Variants in PLXDC2 observed in about 807,000 individuals in gnomAD.
The protein encoded by PLXDC2 is plexin domain containing 2, also known as plexin domain-containing protein 2.
A neutral mutation model predicts 68.9 loss-of-function variants in PLXDC2; 40 were observed. The ratio of observed to expected loss-of-function variants is 0.58; its 90% CI spans 0.45 to 0.76. The LOEUF (loss-of-function observed/expected upper bound fraction) is 0.76, where lower values mean the gene tolerates loss of function less well. Among genes scored for constraint, PLXDC2 ranks in the 30% least tolerant of loss-of-function variants. The probability of loss-of-function intolerance (pLI) is 0.00; values close to 1 mark genes in which losing one functional copy is unlikely to be tolerated. For missense variants in PLXDC2, 644 were observed against 661.9 expected (o/e 0.97, Z 0.30); for synonymous variants, 243 against 234.2 (o/e 1.04, Z -0.34).
intron 2 of PLXDC2, among the ~76,000 whole-genome samples, chr10:20,019,459 G>A (rs550406668): frequency 5.3e-5 from 8 of 152,278 alleles, no homozygotes; most frequent in African/African-American, 1.7e-4. Flanking sequence ...CTGGTGCTAT[G>A]AACTGAATTT....
chr10:20,067,890 A>T (rs1836240700), intron 3 of PLXDC2, among the ~76,000 whole-genome samples: 1 of 152,122 alleles, frequency 6.6e-6, no homozygotes, highest in Non-Finnish European at 1.5e-5. Flanking sequence ...ACTAAAAAGA[A>T]CCTCAGAATA....
chr10:19,841,759 T>C (rs2131318353), intron 1 of PLXDC2, among the ~76,000 whole-genome samples: 1 of 152,278 alleles, frequency 6.6e-6, no homozygotes, highest in African/African-American at 2.4e-5. Flanking sequence ...CATAGGAAAC[T>C]TTCAGTAAGT....
chr10:19,878,519 A>G (rs1453800467), intron 1 of PLXDC2, among the ~76,000 whole-genome samples: 1 of 152,182 alleles, frequency 6.6e-6, no homozygotes, highest in Non-Finnish European at 1.5e-5. Context: ...TTTTCTGTGA[A>G]TGATAGAATT....
At chr10:20,004,159 A>G (rs1834987253) in intron 2 of PLXDC2, among the ~76,000 whole-genome samples, 1 of 152,238 alleles carries the variant, frequency 6.6e-6, no homozygotes, top group African/African-American at 2.4e-5. Flanking sequence ...GTTCCCTCAC[A>G]GTGAGAGAAA....
At chr10:20,183,975 C>T (rs2131832109) in intron 9 of PLXDC2, among the ~76,000 whole-genome samples, 1 of 152,030 alleles carries the variant, frequency 6.6e-6, no homozygotes, top group South Asian at 2.1e-4. Flanking sequence ...TATAAGCTTG[C>T]TCCTGGTAAA....
intron 13 of PLXDC2, 25 bp downstream of exon 13, chr10:20,245,530 A>G: frequency 1.3e-6 from 2 of 1,597,304 alleles, no homozygotes; most frequent in Non-Finnish European, 1.7e-6. Flanking sequence ...TAACACATGA[A>G]AACCACGCCA....
chr10:20,096,925 C>T (rs971668791), intron 4 of PLXDC2, among the ~76,000 whole-genome samples: 10 of 151,892 alleles, frequency 6.6e-5, no homozygotes, highest in Admixed American at 2.0e-4. Context: ...TTAAAAAAAG[C>T]GAAATTAATT....
chr10:19,871,507 T>C (rs1368891805), intron 1 of PLXDC2, among the ~76,000 whole-genome samples: 1 of 152,184 alleles, frequency 6.6e-6, no homozygotes, highest in Non-Finnish European at 1.5e-5. Flanking sequence ...ACCATCCTGA[T>C]ATTTCCCATT....
intron 1 of PLXDC2, among the ~76,000 whole-genome samples, chr10:19,907,090 T>C (rs183008169): frequency 3.3e-4 from 51 of 152,336 alleles, no homozygotes; most frequent in Admixed American, 8.5e-4. Flanking sequence ...AGATTTATTG[T>C]GGCATGGTAA....
chr10:19,833,813 CT>C (rs1836739870), intron 1 of PLXDC2, among the ~76,000 whole-genome samples: 1 of 152,042 alleles, frequency 6.6e-6, no homozygotes, highest in Non-Finnish European at 1.5e-5. Context: ...GGTAAGCAAT[CT>C]ATGTGTAAGA....
intron 4 of PLXDC2, among the ~76,000 whole-genome samples, chr10:20,092,427 T>C (rs1290415387): frequency 6.6e-6 from 1 of 152,172 alleles, no homozygotes; most frequent in Non-Finnish European, 1.5e-5. Flanking sequence ...TTGCTTGACC[T>C]ATAGTAAGTG....
intron 9 of PLXDC2, among the ~76,000 whole-genome samples, chr10:20,208,196 A>G (rs1835018695): frequency 6.6e-6 from 1 of 152,122 alleles, no homozygotes; most frequent in Admixed American, 6.6e-5. Flanking sequence ...CACACTTCTG[A>G]TAAAGACATA....
intron 2 of PLXDC2, among the ~76,000 whole-genome samples, chr10:20,005,833 G>A (rs1311962961): frequency 6.6e-6 from 1 of 152,146 alleles, no homozygotes; most frequent in East Asian, 1.9e-4. Flanking sequence ...ATTTCCAAAT[G>A]AGATTCGGAA....
At chr10:20,164,404 C>T in intron 6 of PLXDC2, 64 bp from the exon 7 acceptor site, 1 of 1,288,094 alleles carries the variant, frequency 7.8e-7, no homozygotes, top group Non-Finnish European at 1.1e-6. Flanking sequence ...GAGGATCCTA[C>T]TACCTTTCCT....
chr10:20,178,405 G>A (rs1039065365), intron 9 of PLXDC2, among the ~76,000 whole-genome samples: 2 of 151,936 alleles, frequency 1.3e-5, no homozygotes, highest in African/African-American at 2.4e-5. Flanking sequence ...GTTATGTTCC[G>A]GGTACTGGGA....
chr10:19,868,719 G>C lies in PLXDC2; in HGVS notation c.112+51528G>C, dbSNP rs1034499487. 3.3e-5 allele frequency among the ~76,000 whole-genome samples: 5 copies of C among 151,950 alleles called. No homozygotes were observed. The East Asian group carries it at 9.6e-4, about 29-fold the overall frequency. ...ACCCTCTGTTTAATAAAATACATTT[G>C]TTTTCCTTGAAAACTGTTTTAGTGT... is the stretch of plus-strand genomic sequence containing the variant. On this transcript the variant is annotated intron_variant, in intron 1 of 13. Coordinates refer to ENST00000377252, the MANE Select transcript of PLXDC2 (RefSeq NM_032812.9).
rs1376212233 is a variant in PLXDC2 at position 20,288,181 on chromosome 10, G to A, written c.*8362G>A. On this transcript the variant is annotated 3_prime_UTR_variant, in exon 14 of 14. Coordinates refer to ENST00000377252, the MANE Select transcript of PLXDC2 (RefSeq NM_032812.9). ...AACCCCAAGCAAAAAGAATGACTAT[G>A]TGTGTGAGTGCAGCACATGGCCAGT... The A allele has an allele frequency of 6.6e-6, 1 of 152,188 alleles. No individual in the cohort carries two copies. The highest frequency in any genetic ancestry group is 2.4e-5 in the African/African-American group (1 of 41,434). The allele number at this position is 152,188 out of a possible 1,614,324, so 9.4% of individuals were successfully genotyped here.
chr10:20,014,724 T>G (rs1355463933), intron 2 of PLXDC2, among the ~76,000 whole-genome samples: 1 of 152,196 alleles, frequency 6.6e-6, no homozygotes, highest in Non-Finnish European at 1.5e-5. Context: ...TGAACAATAA[T>G]TATAACAGCC....
At chr10:19,993,079 A>C (rs1564650136) in intron 1 of PLXDC2, among the ~76,000 whole-genome samples, 1 of 152,194 alleles carries the variant, frequency 6.6e-6, no homozygotes, top group Admixed American at 6.5e-5. Context: ...ATAATAATTC[A>C]TGCCAAGCCC....
Sources: gnomAD v4.1 joint callset for allele counts (sites outside exome capture counted in the v4.1 genomes callset) on GRCh38, gnomAD v4.1.1 for gene constraint, MANE v1.5 for transcripts, NCBI Gene and HGNC (gene_info 2026-07-23, HGNC 2026-07-21) for gene names.